The following KALRN variants were observed in gnomAD, a reference collection of about 807,000 sequenced individuals.
The protein encoded by KALRN is kalirin RhoGEF kinase.
A neutral mutation model predicts 353.7 loss-of-function variants in KALRN; 70 were observed. The observed-to-expected ratio is 0.20, with a 90% CI of 0.16 to 0.24. The LOEUF (loss-of-function observed/expected upper bound fraction) is 0.24. KALRN is among the 10% of genes least tolerant of loss of function. The probability of loss-of-function intolerance (pLI) is 1.00; values close to 1 mark genes in which losing one functional copy is unlikely to be tolerated. For synonymous variants in KALRN, 1,391 were observed against 1,434.8 expected (o/e 0.97, Z 0.69); for missense variants, 2,791 against 3,756.7 (o/e 0.74, Z 6.72).
intron 25 of KALRN, among the ~76,000 whole-genome samples, chr3:124,472,840 C>T (rs2061073161): frequency 6.6e-6 from 1 of 152,162 alleles, no homozygotes; most frequent in Non-Finnish European, 1.5e-5. Flanking sequence ...TTGAGCACTA[C>T]ATATTTGCAT....
At chr3:124,631,078 G>T (rs765909201) in intron 34 of KALRN, among the ~76,000 whole-genome samples, 2 of 152,112 alleles carry the variant, frequency 1.3e-5, no homozygotes, top group Admixed American at 6.5e-5. Flanking sequence ...TTGACACGCC[G>T]ATTTCTCCCT....
chr3:124,065,497 G>A (rs1302348025), intron 1 of KALRN, among the ~76,000 whole-genome samples: 1 of 152,162 alleles, frequency 6.6e-6, no homozygotes, highest in Non-Finnish European at 1.5e-5. Flanking sequence ...CAGGATGTCT[G>A]CAATTCACTT....
chr3:124,283,405 A>C (rs1481868526), intron 5 of KALRN, among the ~76,000 whole-genome samples: 4 of 152,186 alleles, frequency 2.6e-5, no homozygotes, highest in Non-Finnish European at 4.4e-5. Context: ...AGTGAAGTAC[A>C]TTCCCTCACT....
chr3:124,149,046 A>C (rs921637027), intron 1 of KALRN, among the ~76,000 whole-genome samples: 1 of 152,238 alleles, frequency 6.6e-6, no homozygotes, highest in Non-Finnish European at 1.5e-5. Flanking sequence ...GACTAAAAAA[A>C]CTGAAACTCA....
At chr3:124,187,595 T>C (rs1000962294) in intron 1 of KALRN, among the ~76,000 whole-genome samples, 1 of 152,188 alleles carries the variant, frequency 6.6e-6, no homozygotes, top group African/African-American at 2.4e-5. Flanking sequence ...AGAGAGGCCA[T>C]GAATGGCAGA....
At chr3:124,196,674 C>T (rs891248790) in intron 1 of KALRN, among the ~76,000 whole-genome samples, 4 of 152,156 alleles carry the variant, frequency 2.6e-5, no homozygotes, top group Non-Finnish European at 5.9e-5. Flanking sequence ...AAAGCGTACA[C>T]ACTTTATAAC....
At chr3:124,515,626 CA>C (rs2066450265) in intron 33 of KALRN, among the ~76,000 whole-genome samples, 1 of 152,040 alleles carries the variant, frequency 6.6e-6, no homozygotes, top group Non-Finnish European at 1.5e-5. Context: ...ATCAGAAAGC[CA>C]AAGTATAGAG....
At chr3:124,259,791 T>C (rs1302705124) in intron 3 of KALRN, among the ~76,000 whole-genome samples, 1 of 152,074 alleles carries the variant, frequency 6.6e-6, no homozygotes, top group Non-Finnish European at 1.5e-5. Context: ...TGGTAATAAG[T>C]GCTAAGGAGA....
chr3:124,496,540 C>CCAGCCAAGGAGGATG (rs2063870461), intron 33 of KALRN, 127 bp downstream of exon 33: 1 of 700,004 alleles, frequency 1.4e-6, no homozygotes. Context: ...TCTCTTTGTG[C>CCAGCCAAGGAGGATG]CAGCCAAGGA....
chr3:124,502,312 G>T (rs2064677658), intron 33 of KALRN, among the ~76,000 whole-genome samples: 1 of 152,140 alleles, frequency 6.6e-6, no homozygotes, highest in Admixed American at 6.5e-5. Context: ...GTGAAGGCTG[G>T]TCCCTTCCAG....
chr3:124,077,235 C>T (rs1397591936), intron 1 of KALRN, among the ~76,000 whole-genome samples: 2 of 152,226 alleles, frequency 1.3e-5, no homozygotes, highest in South Asian at 2.1e-4. Flanking sequence ...TGTCTCATGT[C>T]GCATTATTAT....
intron 40 of KALRN, 73 bp downstream of exon 40, chr3:124,657,624 C>T (rs1379820899): frequency 4.2e-5 from 59 of 1,393,116 alleles, no homozygotes; most frequent in Non-Finnish European, 5.5e-5. Flanking sequence ...CTGCATCTGA[C>T]TCAAGGAGTA....
rs201283642 is a variant in KALRN at position 124,633,963 on chromosome 3, C to A, written c.5568+10C>A. Reference sequence around the variant, plus strand: ...TACACAGGATGAAATGGTAGAACTTCTTTACTTGCTCACTTAAAAGAGCAA... The same window carrying A: ...TACACAGGATGAAATGGTAGAACTTATTTACTTGCTCACTTAAAAGAGCAA... On this transcript the variant is annotated intron_variant, in intron 36 of 59. Coordinates refer to ENST00000682506, the MANE Select transcript of KALRN (RefSeq NM_001388419.1). 1.4e-5 allele frequency: 22 copies of A among 1,608,076 alleles called. No individual in the cohort carries two copies. Among genetic ancestry groups the A allele is most frequent in the Non-Finnish European group, 1.8e-5 (21 of 1,174,842 alleles).
At chr3:124,363,689 C>CTG (rs2084315881) in intron 10 of KALRN, among the ~76,000 whole-genome samples, 1 of 152,140 alleles carries the variant, frequency 6.6e-6, no homozygotes, top group Non-Finnish European at 1.5e-5. Context: ...ATGTGCTGAC[C>CTG]AGTCTCTGAG....
intron 55 of KALRN, 35 bp from the exon 56 acceptor site, chr3:124,699,834 T>C (rs1489968019): frequency 1.9e-6 from 3 of 1,610,366 alleles, no homozygotes; most frequent in Non-Finnish European, 2.5e-6. Flanking sequence ...CCCTTTGGCT[T>C]TTCTCTTTCC....
intron 34 of KALRN, among the ~76,000 whole-genome samples, chr3:124,576,466 CAGG>C (rs2074104486): frequency 6.6e-6 from 1 of 152,080 alleles, no homozygotes; most frequent in Non-Finnish European, 1.5e-5. Flanking sequence ...TAAGCTTTAG[CAGG>C]AGGACTTCAG....
At position 124,518,674 on chromosome 3, in the gene KALRN, G is replaced by T. The variant is rs976758478; in HGVS notation, c.4935+22261G>T. ...CTCGGGGCTCCCTTCTTCTCTACTG[G>T]GTGCAATTCGAGGTTGCTGAGCTTC... On this transcript the variant is annotated intron_variant, in intron 33 of 59. Coordinates refer to ENST00000682506, the MANE Select transcript of KALRN (RefSeq NM_001388419.1). 6 of 1,431,312 alleles carry T rather than the reference G, an allele frequency of 4.2e-6. No individual in the cohort carries two copies. The African/African-American group carries it at 8.6e-5, about 21-fold the overall frequency. The allele number at this position is 1,431,312 out of a possible 1,614,324, so 88.7% of individuals were successfully genotyped here. A position where few individuals can be genotyped will look rare whatever the true frequency, so the allele number is the denominator to read the frequency against.
chr3:124,265,012 A>G (rs919305968), intron 4 of KALRN, among the ~76,000 whole-genome samples: 5 of 152,184 alleles, frequency 3.3e-5, no homozygotes, highest in Non-Finnish European at 7.3e-5. Flanking sequence ...TGATGTAGCA[A>G]TTCTTTTTTT....
At chr3:124,539,959 G>C (rs1185576302) in intron 33 of KALRN, among the ~76,000 whole-genome samples, 1 of 151,788 alleles carries the variant, frequency 6.6e-6, no homozygotes, top group Admixed American at 6.6e-5. Context: ...ACCCAGGCTG[G>C]AGTGCAGTGG....
Sources: allele counts gnomAD v4.1 joint callset (sites outside exome capture counted in the v4.1 genomes callset), GRCh38; gene constraint gnomAD v4.1.1; transcripts MANE v1.5; gene names NCBI Gene and HGNC (gene_info 2026-07-23, HGNC 2026-07-21).